Variants in RMND5B observed in about 807,000 individuals in gnomAD.
RMND5B encodes required for meiotic nuclear division 5 homolog B.
Under a neutral mutation model 50.4 loss-of-function variants are expected in RMND5B, and 42 were observed. The observed-to-expected ratio is 0.83, with a 90% confidence interval of 0.65 to 1.08. The LOEUF is 1.08. Ranked by LOEUF, RMND5B falls within the 50% of genes least tolerant of loss-of-function variation. RMND5B has a pLI of 0.00. For synonymous variants in RMND5B, 220 were observed against 210.0 expected (o/e 1.05, Z -0.41); for missense variants, 463 against 508.5 (o/e 0.91, Z 0.86).
In RMND5B at chr5:178,147,532, G is replaced by C. The variant is rs1318007262; in HGVS notation, c.861-1G>C. On this transcript the variant is annotated splice_acceptor_variant, in intron 8 of 10. Coordinates refer to ENST00000313386, the MANE Select transcript of RMND5B (RefSeq NM_022762.5). LOFTEE classifies it high-confidence loss of function. ...CTCTAGCCCCTGTTCCTTGTCTGCA[G>C]CTTTGCCTCTGGCTGTGTGGCGCTG... The C allele has an allele frequency of 6.2e-7, 1 of 1,613,772 alleles. No homozygotes were observed.
intron 2 of RMND5B, among the ~76,000 whole-genome samples, chr5:178,134,829 A>G (rs1488210938): frequency 6.6e-6 from 1 of 151,992 alleles, no homozygotes; most frequent in African/African-American, 2.4e-5. Context: ...GAAAAAAAAA[A>G]AAAGCCAGGT....
At position 178,145,620 on chromosome 5, in the gene RMND5B, G is replaced by T. The variant is rs755063832; in HGVS notation, c.695-494G>T. ...GGGTTTCACCATGTTGGCCAGGCTG[G>T]CCTCAAACTCCTGGCCTCATGTGAT... On this transcript the variant is annotated intron_variant, in intron 7 of 10. Coordinates refer to ENST00000313386, the MANE Select transcript of RMND5B (RefSeq NM_022762.5). 4.3e-4 allele frequency among the ~76,000 whole-genome samples: 65 copies of T among 152,208 alleles called. 1 individual carries two copies. Among genetic ancestry groups the T allele is most frequent in the Middle Eastern group, 3.4e-3 (1 of 292 alleles).
intron 2 of RMND5B, among the ~76,000 whole-genome samples, chr5:178,132,481 G>C (rs893409450): frequency 1.3e-4 from 20 of 151,914 alleles, no homozygotes; most frequent in African/African-American, 4.8e-4. Flanking sequence ...GTGGTGGGGA[G>C]AGAGGGGAAG....
chr5:178,138,486 C>T lies in RMND5B; in HGVS notation c.139+228C>T. 1 of 1,186,242 alleles carries T rather than the reference C, an allele frequency of 8.4e-7. No individual in the cohort carries two copies. Among genetic ancestry groups the T allele is most frequent in the Non-Finnish European group, 1.1e-6 (1 of 909,592 alleles). 73.5% of individuals were successfully genotyped at this position (1,186,242 alleles called of 1,614,324 possible). On this transcript the variant is annotated intron_variant, in intron 3 of 10. Transcript: ENST00000313386. This position sits in a 1 kb window ranked among gnomAD's most constrained non-coding sequence, Gnocchi z 5.1. The stretch of plus-strand genomic sequence containing the variant: ...CCATTTACATTTTGTTTTCAACTTA[C>T]TTTTCTATTTTTAACTTTTTTTCAT...
In RMND5B at chr5:178,148,077, A is replaced by G; in HGVS notation, c.*45A>G. 1 of 1,588,864 alleles carries G rather than the reference A, an allele frequency of 6.3e-7. No individual in the cohort carries two copies. Among genetic ancestry groups the G allele is most frequent in the Non-Finnish European group, 8.6e-7 (1 of 1,157,354 alleles). ...TTGTTGAAAGGGGTTTTCACCTGTG[A>G]GCCTTGGTCTGTCTCGGTAGGGTGG... is the stretch of plus-strand genomic sequence containing the variant. On this transcript the variant is annotated 3_prime_UTR_variant, in exon 11 of 11. Transcript: ENST00000313386.
At position 178,137,835 on chromosome 5, in the gene RMND5B, G is replaced by C. The variant is rs1015118803; in HGVS notation, c.-12-273G>C. ...GAACAAAAATTAAGGCATGAAAAGA[G>C]TTGAAAATGGAATAATAATTTTCTC... On this transcript the variant is annotated intron_variant, in intron 2 of 10. Coordinates refer to ENST00000313386, the MANE Select transcript of RMND5B (RefSeq NM_022762.5). This position sits in a 1 kb window ranked among gnomAD's most constrained non-coding sequence, Gnocchi z 4.4. Among the ~76,000 whole-genome samples, 1 of 152,136 alleles carries C rather than the reference G, an allele frequency of 6.6e-6. No homozygotes were observed. The highest frequency in any genetic ancestry group is 1.5e-5 in the Non-Finnish European group (1 of 68,024).
At chr5:178,135,775 A>G (rs1233601827) in intron 2 of RMND5B, among the ~76,000 whole-genome samples, 2 of 152,202 alleles carry the variant, frequency 1.3e-5, no homozygotes, top group African/African-American at 2.4e-5. Flanking sequence ...TAAGCCTGGT[A>G]GCTCTTGGTG....
intron 3 of RMND5B, among the ~76,000 whole-genome samples, chr5:178,139,982 C>CTTTATCTTCCATGACATTGGTATTTT (rs1208337411): frequency 3.0e-4 from 46 of 152,198 alleles, no homozygotes; most frequent in African/African-American, 1.1e-3. Flanking sequence ...TTCTGTCTTC[C>CTTTATCTTCCATGACATTGGTATTTT]TTTATCTTCC....
At chr5:178,144,798 C>T (rs576028747) in intron 7 of RMND5B, among the ~76,000 whole-genome samples, 2 of 151,240 alleles carry the variant, frequency 1.3e-5, no homozygotes, top group South Asian at 2.1e-4. Flanking sequence ...AAGCAAAGGG[C>T]GGATCACTTG....
intron 2 of RMND5B, chr5:178,136,237 C>T (rs1406869389): frequency 6.6e-6 from 1 of 152,144 alleles, no homozygotes; most frequent in Non-Finnish European, 1.5e-5. Flanking sequence ...ATAGTGTTTT[C>T]GTGAGCATTA....
intron 7 of RMND5B, 144 bp from the exon 8 acceptor site, chr5:178,145,970 A>T: frequency 2.6e-6 from 2 of 771,734 alleles, no homozygotes. Context: ...GCCTGAGGGC[A>T]TTTTCATCCC....
intron 7 of RMND5B, 61 bp downstream of exon 7, chr5:178,144,169 G>A: frequency 6.4e-7 from 1 of 1,557,286 alleles, no homozygotes; most frequent in East Asian, 2.3e-5. Flanking sequence ...GATGTGGTAG[G>A]TTACATCAGG....
rs1312773313 is a variant in RMND5B, at chr5:178,144,113, G to C, written c.694+5G>C. 1 of 1,611,824 alleles carries C rather than the reference G, an allele frequency of 6.2e-7. No individual in the cohort carries two copies. The highest frequency in any genetic ancestry group is 8.5e-7 in the Non-Finnish European group (1 of 1,178,546). On this transcript the variant is annotated splice_donor_5th_base_variant and intron_variant, in intron 7 of 10. Transcript: ENST00000313386. ...TTGCTCGGCTGCACCAGCGGGGTGA[G>C]TGCCCAGGCAGCTGGGGTTGTGCTG...
At chr5:178,134,656 C>T (rs932761759) in intron 2 of RMND5B, among the ~76,000 whole-genome samples, 3 of 152,120 alleles carry the variant, frequency 2.0e-5, no homozygotes, top group African/African-American at 7.2e-5. Context: ...TCTGTTTTCT[C>T]AGTTCATTTA....
At position 178,150,028 on chromosome 5, in the gene RMND5B, C is replaced by T; in HGVS notation, c.*1996C>T. ...ATCAGACTTTGAAGGCATGGTCCAG[C>T]CACACAGGGCCTACATTCCCACATG... On this transcript the variant is annotated 3_prime_UTR_variant, in exon 11 of 11. Transcript: ENST00000313386. The T allele has an allele frequency of 1.8e-6, 1 of 554,276 alleles. No individual in the cohort carries two copies. Among genetic ancestry groups the T allele is most frequent in the Non-Finnish European group, 3.2e-6 (1 of 315,432 alleles). The allele number at this position is 554,276 out of a possible 1,614,324, so 34.3% of individuals were successfully genotyped here.
At chr5:178,135,986 A>C (rs746141909) in intron 2 of RMND5B, 6 of 152,194 alleles carry the variant, frequency 3.9e-5, no homozygotes, top group Admixed American at 6.5e-5. Flanking sequence ...CTGTACACTC[A>C]TTCCAACACA....
Position 178,142,731 on chromosome 5 carries a change from G to T in RMND5B, c.285+3G>T, listed in dbSNP as rs748254930. ...GAGTGGGCAAAGCCATTGACAGGGTGAGCACGTGGCCGGCTCCAGGCGTGG... is the reference window on the plus strand; with the variant it reads ...GAGTGGGCAAAGCCATTGACAGGGTTAGCACGTGGCCGGCTCCAGGCGTGG... On this transcript the variant is annotated splice_donor_region_variant and intron_variant, in intron 4 of 10. Coordinates refer to ENST00000313386, the MANE Select transcript of RMND5B (RefSeq NM_022762.5). The T allele has an allele frequency of 3.1e-6, 5 of 1,614,216 alleles. No individual in the cohort carries two copies. The South Asian group carries it at 4.4e-5, about 14-fold the overall frequency.
chr5:178,145,376 C>T (rs1295816443), intron 7 of RMND5B, among the ~76,000 whole-genome samples: 1 of 151,786 alleles, frequency 6.6e-6, no homozygotes, highest in African/African-American at 2.4e-5. Flanking sequence ...GTCCCAGCTA[C>T]CCGGGAGGCT....
In RMND5B at chr5:178,142,795, A is replaced by T. The variant is rs769868645; in HGVS notation, c.286-57A>T. ...TGAAGCTGGGATGTACAAGGACTCG[A>T]AGGAGAGCCAGCAAGAGTGCCCGCA... On this transcript the variant is annotated intron_variant, in intron 4 of 10. Coordinates refer to ENST00000313386, the MANE Select transcript of RMND5B (RefSeq NM_022762.5). 1.5e-5 allele frequency: 25 copies of T among 1,614,092 alleles called. 1 individual carries two copies. The South Asian group carries it at 2.6e-4, about 17-fold the overall frequency.
Sources: gnomAD v4.1 joint callset for allele counts (sites outside exome capture counted in the v4.1 genomes callset) on GRCh38, gnomAD v4.1.1 for gene constraint, Gnocchi (gnomAD v3.1) non-coding constraint, MANE v1.5 for transcripts, NCBI Gene and HGNC (gene_info 2026-07-23, HGNC 2026-07-21) for gene names.